RYK: variants seen among roughly 807,000 people sequenced by gnomAD.
RYK encodes inactive tyrosine-protein kinase RYK.
In RYK, 21 loss-of-function variants were observed where a neutral mutation model predicts 70.2. The ratio of observed to expected loss-of-function variants is 0.30; its 90% CI spans 0.21 to 0.43. The LOEUF is 0.43. Ranked by LOEUF, RYK falls within the 20% of genes least tolerant of loss-of-function variation. The probability of loss-of-function intolerance (pLI) is 1.00; values close to 1 mark genes in which losing one functional copy is unlikely to be tolerated. For missense variants in RYK, 604 were observed against 753.3 expected (o/e 0.80, Z 2.32); for synonymous variants, 267 against 278.0 (o/e 0.96, Z 0.39).
chr3:134,201,771 G>A (rs1183342925), intron 6 of RYK, among the ~76,000 whole-genome samples: 2 of 152,188 alleles, frequency 1.3e-5, no homozygotes, highest in African/African-American at 2.4e-5. Context: ...GCAATAAGAG[G>A]AGAAAAGGTT....
intron 1 of RYK, among the ~76,000 whole-genome samples, chr3:134,245,905 T>G (rs2015453196): frequency 6.6e-6 from 1 of 152,184 alleles, no homozygotes; most frequent in Non-Finnish European, 1.5e-5. Context: ...TGTTCTCTCC[T>G]CTGCAATCAG....
chr3:134,158,431 A>G (rs2012325648), intron 14 of RYK, among the ~76,000 whole-genome samples, 167 bp from the exon 15 acceptor site: 1 of 152,268 alleles, frequency 6.6e-6, no homozygotes, highest in Non-Finnish European at 1.5e-5. Flanking sequence ...GAAAGAAGCT[A>G]AAAGAAATTA....
At chr3:134,202,106 ATTCT>A (rs62931061) in intron 6 of RYK, among the ~76,000 whole-genome samples, 3,591 of 152,226 alleles carry the variant, frequency 0.024, 132 homozygotes, top group African/African-American at 0.081. Context: ...AAAGTATATC[ATTCT>A]TTCTTTCTGT....
chr3:134,161,939 A>T (rs1289974688), intron 13 of RYK, among the ~76,000 whole-genome samples: 1 of 152,212 alleles, frequency 6.6e-6, no homozygotes, highest in Admixed American at 6.5e-5. Flanking sequence ...AGTCCAAATC[A>T]ATGTGTCAGC....
rs1426211513 is a variant in RYK at position 134,160,259 on chromosome 3, C to CAA, written c.1576-888_1576-887dup. ...AAACCTGTGAGAATCATTGGTAGCT[C>CAA]AATTTTACAGGTGAGAAAACTGAGG... is the stretch of plus-strand genomic sequence containing the variant. On this transcript the variant is annotated intron_variant, in intron 13 of 14. Transcript: ENST00000623711. Among the ~76,000 whole-genome samples the CAA allele has an allele frequency of 2.6e-5, 4 of 151,972 alleles. No homozygotes were observed. In the East Asian group the frequency reaches 5.8e-4, roughly 22 times the overall value.
chr3:134,237,873 A>C (rs896191277), intron 1 of RYK, among the ~76,000 whole-genome samples: 1 of 152,250 alleles, frequency 6.6e-6, no homozygotes, highest in African/African-American at 2.4e-5. Context: ...AAATTCATTT[A>C]GTCAAGATAA....
Position 134,166,914 on chromosome 3 carries a change from AAAACT to A in RYK, c.1576-7546_1576-7542del, listed in dbSNP as rs373080932. ...GATGAATAAAACAATACCATTAAATAAAACTAAACAATATCTTAATGTTAAATTTT... is the reference window on the plus strand; with the variant it reads ...GATGAATAAAACAATACCATTAAATAAAACAATATCTTAATGTTAAATTTT... On this transcript the variant is annotated intron_variant, in intron 13 of 14. Transcript: ENST00000623711. Among the ~76,000 whole-genome samples the A allele has an allele frequency of 2.9e-3, 445 of 152,328 alleles. 1 individual carries two copies. The highest frequency in any genetic ancestry group is 0.01 in the African/African-American group (416 of 41,576).
intron 1 of RYK, among the ~76,000 whole-genome samples, chr3:134,223,553 C>T (rs1227777999): frequency 6.6e-6 from 1 of 151,272 alleles, no homozygotes; most frequent in Non-Finnish European, 1.5e-5. Flanking sequence ...TTGAGCCTAG[C>T]TCATTGTTTA....
chr3:134,172,696 C>T (rs967821593), intron 13 of RYK, among the ~76,000 whole-genome samples: 7 of 152,156 alleles, frequency 4.6e-5, no homozygotes, highest in Non-Finnish European at 1.0e-4. Context: ...AGAATATAAC[C>T]TGCTTTGCAT....
intron 4 of RYK, among the ~76,000 whole-genome samples, chr3:134,208,834 G>C (rs1230657908): frequency 6.6e-6 from 1 of 152,126 alleles, no homozygotes; most frequent in Non-Finnish European, 1.5e-5. Flanking sequence ...ATTGCCTAGG[G>C]TTGCTGTAGG....
intron 1 of RYK, among the ~76,000 whole-genome samples, chr3:134,242,230 AG>A (rs1414563119): frequency 6.6e-6 from 1 of 151,870 alleles, no homozygotes; most frequent in East Asian, 1.9e-4. Context: ...GCTTGAACCC[AG>A]GAGGCAGAGG....
At position 134,207,508 on chromosome 3, in the gene RYK, T is replaced by A. The variant is rs1179069104; in HGVS notation, c.607A>T (p.Thr203Ser). ...MCYKKLEEVKTSALDKNTSRT... is the reference protein window; with the variant it reads ...MCYKKLEEVKSSALDKNTSRT... ...CTAGTGTTTTTGTCCAAGGCTGAAG[T>A]TTTTACTTCTTCAAGTTCTGAATTT... The change falls in exon 5 of 15, where the codon ACT becomes TCT. Residue 203 changes from threonine to serine, a missense_variant. Around this residue, in one of 2 missense-constraint regions of RYK, gnomAD observed 466 missense variants for 535.9 expected, o/e 0.87. Coordinates refer to ENST00000623711, the MANE Select transcript of RYK (RefSeq NM_002958.4). 4 of 1,539,970 alleles carry A rather than the reference T, an allele frequency of 2.6e-6. No individual in the cohort carries two copies. Among genetic ancestry groups the A allele is most frequent in the Non-Finnish European group, 2.6e-6 (3 of 1,139,486 alleles).
intron 13 of RYK, among the ~76,000 whole-genome samples, chr3:134,162,019 C>T (rs968733227): frequency 5.9e-5 from 9 of 152,244 alleles, no homozygotes; most frequent in Admixed American, 5.2e-4. Flanking sequence ...CTGTGGTTGC[C>T]GGAAGCCCCT....
At chr3:134,242,955 G>A (rs565287619) in intron 1 of RYK, among the ~76,000 whole-genome samples, 1 of 152,216 alleles carries the variant, frequency 6.6e-6, no homozygotes, top group East Asian at 1.9e-4. Flanking sequence ...CCACCAAAAC[G>A]CCTAGGGTTA....
At chr3:134,164,085 C>T (rs1244443993) in intron 13 of RYK, among the ~76,000 whole-genome samples, 1 of 152,128 alleles carries the variant, frequency 6.6e-6, no homozygotes, top group Non-Finnish European at 1.5e-5. Context: ...ATCCACCAGC[C>T]GTGGCCTCCC....
chr3:134,232,797 G>C (rs2015096836), intron 1 of RYK, among the ~76,000 whole-genome samples: 1 of 152,204 alleles, frequency 6.6e-6, no homozygotes, highest in Non-Finnish European at 1.5e-5. Context: ...TAAGTGGTAA[G>C]TAAGATCATT....
chr3:134,238,868 G>GA (rs578041246), intron 1 of RYK, among the ~76,000 whole-genome samples: 24 of 151,868 alleles, frequency 1.6e-4, no homozygotes, highest in Non-Finnish European at 3.2e-4. Context: ...GCATTTTGGG[G>GA]AAAAAAAATT....
intron 5 of RYK, among the ~76,000 whole-genome samples, chr3:134,206,612 C>T (rs866204717): frequency 6.6e-6 from 1 of 152,036 alleles, no homozygotes; most frequent in African/African-American, 2.4e-5. Flanking sequence ...TGTGATAAAT[C>T]AAAATGAATA....
intron 1 of RYK, among the ~76,000 whole-genome samples, chr3:134,243,080 C>T (rs1315673962): frequency 6.6e-6 from 1 of 152,212 alleles, no homozygotes; most frequent in Non-Finnish European, 1.5e-5. Context: ...CCCTCCTCCC[C>T]ACCAAGCATG....
Sources: allele counts gnomAD v4.1 joint callset (sites outside exome capture counted in the v4.1 genomes callset), GRCh38; gene constraint gnomAD v4.1.1; regional missense constraint gnomAD v4.1.1; transcripts MANE v1.5; gene names NCBI Gene and HGNC (gene_info 2026-07-23, HGNC 2026-07-21).